ARHGEF10: variants seen among roughly 807,000 people sequenced by gnomAD.
The protein encoded by ARHGEF10 is Rho guanine nucleotide exchange factor 10.
ARHGEF10 carries 140 observed loss-of-function variants against 147.4 expected under a neutral mutation model. The observed-to-expected ratio is 0.95, with a 90% CI of 0.83 to 1.09. The LOEUF (loss-of-function observed/expected upper bound fraction) is 1.09. Among genes scored for constraint, ARHGEF10 ranks in the 50% least tolerant of loss-of-function variants. The pLI is 0.00. For synonymous variants in ARHGEF10, 902 were observed against 695.8 expected, an observed-to-expected ratio of 1.30 and a Z score of -4.67; for missense variants, 2,222 against 1,752.7, an observed-to-expected ratio of 1.27 and a Z score of -4.78.
chr8:1,950,459 G>C (rs1389945671), intron 27 of ARHGEF10, among the ~76,000 whole-genome samples: 1 of 152,120 alleles, frequency 6.6e-6, no homozygotes, highest in East Asian at 1.9e-4. Flanking sequence ...GTCGTTCCTG[G>C]GTACTTTGAA....
intron 1 of ARHGEF10, among the ~76,000 whole-genome samples, chr8:1,836,608 G>C (rs996105297): frequency 7.2e-5 from 11 of 152,178 alleles, no homozygotes; most frequent in Non-Finnish European, 1.5e-5. Context: ...GTCGGAGTTG[G>C]GGGAGCAGGC....
chr8:1,823,931 CTGGGCGCATCCCTGTAGCCGG>C lies in ARHGEF10; in HGVS notation c.-229_-209del, dbSNP rs1157850289. ...GAGCAGGCCGTCCGGGCGGGAGGGG[CTGGGCGCATCCCTGTAGCCGG>C]CGGGCGCGCGATCCGGGACGGACGG... On this transcript the variant is annotated 5_prime_UTR_variant, in exon 1 of 29. Transcript: ENST00000349830. 6.6e-6 allele frequency: 1 copy of C among 150,874 alleles called. No homozygotes were observed. Among genetic ancestry groups the C allele is most frequent in the Admixed American group, 6.6e-5 (1 of 15,182 alleles). 9.3% of individuals were successfully genotyped at this position (150,874 alleles called of 1,614,324 possible).
chr8:1,929,182 G>C (rs1812915517), intron 24 of ARHGEF10, 104 bp from the exon 25 acceptor site: 1 of 1,285,396 alleles, frequency 7.8e-7, no homozygotes, highest in African/African-American at 1.5e-5. Context: ...GGAGAAGGAA[G>C]GGCAAGAGGG....
chr8:1,887,476 G>A (rs1271458288), intron 11 of ARHGEF10, among the ~76,000 whole-genome samples: 1 of 136,314 alleles, frequency 7.3e-6, no homozygotes, highest in African/African-American at 2.8e-5. Context: ...GGTCTGTGAG[G>A]AGACACTGAG....
At chr8:1,878,627 G>A (rs191582036) in intron 8 of ARHGEF10, among the ~76,000 whole-genome samples, 6 of 152,252 alleles carry the variant, frequency 3.9e-5, no homozygotes, top group African/African-American at 7.2e-5. Flanking sequence ...GCCTCGGAGC[G>A]TGGGTTAAAT....
intron 1 of ARHGEF10, among the ~76,000 whole-genome samples, chr8:1,825,058 T>C (rs866230229): frequency 1.2e-3 from 6 of 4,846 alleles, no homozygotes; most frequent in East Asian, 0.012. Flanking sequence ...TCACCCGCAC[T>C]CCACCTGTCC....
intron 7 of ARHGEF10, among the ~76,000 whole-genome samples, chr8:1,874,873 T>A (rs867795376): frequency 0.023 from 1,277 of 54,574 alleles, no homozygotes; most frequent in Non-Finnish European, 0.03. Context: ...GACAGTCTGG[T>A]GGGAGAGTGC....
chr8:1,838,266 A>G (rs1803711783), intron 1 of ARHGEF10, among the ~76,000 whole-genome samples: 1 of 152,220 alleles, frequency 6.6e-6, no homozygotes, highest in Admixed American at 6.5e-5. Flanking sequence ...GAAAGATGAC[A>G]TCAACCTAAA....
chr8:1,921,449 C>G (rs145440408), intron 18 of ARHGEF10, among the ~76,000 whole-genome samples: 1 of 152,202 alleles, frequency 6.6e-6, no homozygotes, highest in African/African-American at 2.4e-5. Flanking sequence ...GATGTCCAGG[C>G]CAGGCACGGT....
rs1437592010 is a variant in ARHGEF10, at chr8:1,948,938, A to G, written c.3397+3283A>G. Among the ~76,000 whole-genome samples the G allele has an allele frequency of 1.3e-5, 2 of 151,994 alleles. No individual in the cohort carries two copies. The highest frequency in any genetic ancestry group is 2.4e-5 in the African/African-American group (1 of 41,356). ...CAAGATGGTTCCTGGAGGCCCACAC[A>G]TGTCCTCTGTGCTCTGTTCGCACAC... On this transcript the variant is annotated intron_variant, in intron 27 of 28. Coordinates refer to ENST00000349830, the MANE Select transcript of ARHGEF10 (RefSeq NM_014629.4). The surrounding 1 kb of genome is among the most constrained non-coding windows in gnomAD (Gnocchi z 4.9).
At chr8:1,949,974 A>AC (rs1814896674) in intron 27 of ARHGEF10, among the ~76,000 whole-genome samples, 2 of 151,402 alleles carry the variant, frequency 1.3e-5, no homozygotes, top group Non-Finnish European at 2.9e-5. Flanking sequence ...TGTTGTTTAC[A>AC]CCCCCAGCTT....
At chr8:1,855,661 A>T (rs959756664) in intron 2 of ARHGEF10, among the ~76,000 whole-genome samples, 1 of 151,410 alleles carries the variant, frequency 6.6e-6, no homozygotes, top group Admixed American at 6.6e-5. Flanking sequence ...AAGTGCTGGG[A>T]TTACACGTGT....
At chr8:1,844,890 G>A (rs562116834) in intron 2 of ARHGEF10, among the ~76,000 whole-genome samples, 252 of 152,232 alleles carry the variant, frequency 1.7e-3, no homozygotes, top group Non-Finnish European at 3.2e-3. Context: ...AACGTAGTGA[G>A]ACCCCATATC....
chr8:1,888,050 A>C (rs1382183432), intron 11 of ARHGEF10, among the ~76,000 whole-genome samples: 1 of 126,596 alleles, frequency 7.9e-6, no homozygotes, highest in Admixed American at 7.5e-5. Context: ...GGTTGTTAGG[A>C]GACAGTGAGT....
At chr8:1,832,601 G>A (rs1209882233) in intron 1 of ARHGEF10, among the ~76,000 whole-genome samples, 2 of 138,526 alleles carry the variant, frequency 1.4e-5, no homozygotes, top group South Asian at 2.4e-4. Flanking sequence ...GACAGAGACA[G>A]GCAGAGGCAG....
At chr8:1,869,593 G>T (rs1179143840) in intron 7 of ARHGEF10, 5 of 415,204 alleles carry the variant, frequency 1.2e-5, no homozygotes, top group Non-Finnish European at 2.2e-5. Flanking sequence ...AGAGAATCAG[G>T]CAAAGGTAAT....
chr8:1,922,976 T>C lies in ARHGEF10; in HGVS notation c.2156T>C (p.Met719Thr). The stretch of plus-strand genomic sequence containing the variant: ...GCTTATTTTGTAGACAAAGTTTACA[T>C]GGGGCCAGGACAACTGTATCAAGAT... ...VANAKPNKVY[M>T]GPGQLYQDLQ... Residue 719 changes from methionine to threonine, a missense_variant, in exon 19 of 29, where the codon ATG (methionine) becomes ACG (threonine). Physicochemically the swap from Met to Thr is moderately conservative, Grantham distance 81 (BLOSUM62 -1). Coordinates refer to ENST00000349830, the MANE Select transcript of ARHGEF10 (RefSeq NM_014629.4). The C allele has an allele frequency of 1.9e-6, 3 of 1,612,648 alleles. No homozygotes were observed. Among genetic ancestry groups the C allele is most frequent in the Non-Finnish European group, 2.5e-6 (3 of 1,179,128 alleles).
At chr8:1,904,672 C>CCACATGCCTCATCGTTCCCGGG (rs1392308231) in intron 16 of ARHGEF10, among the ~76,000 whole-genome samples, 1 of 152,124 alleles carries the variant, frequency 6.6e-6, no homozygotes, top group East Asian at 1.9e-4. Context: ...TGAATGTCAC[C>CCACATGCCTCATCGTTCCCGGG]CACATGCCTC....
chr8:1,831,885 C>T (rs1189625140), intron 1 of ARHGEF10, among the ~76,000 whole-genome samples: 1 of 152,204 alleles, frequency 6.6e-6, no homozygotes, highest in Non-Finnish European at 1.5e-5. Flanking sequence ...GTCAGGAGTG[C>T]CCTGGAGGGT....
Sources: allele counts gnomAD v4.1 joint callset (sites outside exome capture counted in the v4.1 genomes callset), GRCh38; gene constraint gnomAD v4.1.1; non-coding constraint Gnocchi (gnomAD v3.1); transcripts MANE v1.5; gene names NCBI Gene and HGNC (gene_info 2026-07-23, HGNC 2026-07-21).